The following KIF24 variants were observed in gnomAD, a reference collection of about 807,000 sequenced individuals.
KIF24 encodes kinesin-like protein KIF24.
A neutral mutation model predicts 118.9 loss-of-function variants in KIF24; 81 were observed. That is an observed-to-expected ratio of 0.68 (90% CI 0.57 to 0.82). KIF24 has a LOEUF of 0.82. Among genes scored for constraint, KIF24 ranks in the 40% least tolerant of loss-of-function variants. KIF24 has a pLI of 0.00. For missense variants in KIF24, 1,560 were observed against 1,661.6 expected, an observed-to-expected ratio of 0.94 and a Z score of 1.06; for synonymous variants, 599 against 610.0, an observed-to-expected ratio of 0.98 and a Z score of 0.27.
chr9:34,296,515 C>T (rs1357907725), intron 4 of KIF24, among the ~76,000 whole-genome samples: 2 of 147,044 alleles, frequency 1.4e-5, no homozygotes, highest in Admixed American at 6.9e-5. Flanking sequence ...CCAGCCTGGG[C>T]GACAGAGCAA....
At chr9:34,324,327 G>T (rs372170763) in intron 1 of KIF24, among the ~76,000 whole-genome samples, 1 of 152,092 alleles carries the variant, frequency 6.6e-6, no homozygotes, top group African/African-American at 2.4e-5. Context: ...TCTTTGGAAG[G>T]GGGGTGAAAA....
chr9:34,281,148 C>A (rs576594095), intron 6 of KIF24, among the ~76,000 whole-genome samples: 25 of 152,150 alleles, frequency 1.6e-4, no homozygotes, highest in Non-Finnish European at 2.9e-4. Context: ...GCCTCAGCCT[C>A]CCAAGTAGCT....
intron 6 of KIF24, among the ~76,000 whole-genome samples, chr9:34,275,642 C>T (rs984881103): frequency 2.6e-5 from 4 of 151,980 alleles, no homozygotes; most frequent in Non-Finnish European, 4.4e-5. Flanking sequence ...AGATCGAGAC[C>T]GTCCTGGCTA....
At chr9:34,333,610 G>A (rs1381592248), upstream of KIF24, among the ~76,000 whole-genome samples, 1 of 116,858 alleles carries the variant, frequency 8.6e-6, no homozygotes, top group African/African-American at 3.3e-5. Context: ...TCATACCATT[G>A]CCCTCCAGTC....
intron 1 of KIF24, among the ~76,000 whole-genome samples, chr9:34,311,757 T>TATATACAC (rs1563961633): frequency 2.0e-5 from 3 of 146,586 alleles, no homozygotes; most frequent in Admixed American, 2.0e-4. Context: ...CGTATATATG[T>TATATACAC]GTATATATAC....
chr9:34,285,109 C>G (rs187981504), intron 6 of KIF24, among the ~76,000 whole-genome samples: 44 of 152,084 alleles, frequency 2.9e-4, no homozygotes, highest in African/African-American at 9.9e-4. Flanking sequence ...GTTAGAGGGG[C>G]CTTTACTATC....
chr9:34,254,368 C>A lies in KIF24; in HGVS notation c.*12G>T. ...CTGCAGGGCCCCCACCATCTCGGCA[C>A]AGGGTCTGGCTCTAAGACGGCACTG... On this transcript the variant is annotated 3_prime_UTR_variant, in exon 13 of 13. Coordinates refer to ENST00000402558, the MANE Select transcript of KIF24 (RefSeq NM_194313.4). 1 of 1,607,974 alleles carries A rather than the reference C, an allele frequency of 6.2e-7. No individual in the cohort carries two copies. Among genetic ancestry groups the A allele is most frequent in the South Asian group, 1.1e-5 (1 of 90,540 alleles).
intron 3 of KIF24, among the ~76,000 whole-genome samples, chr9:34,297,871 T>C (rs1249817355): frequency 1.3e-5 from 2 of 152,052 alleles, no homozygotes; most frequent in African/African-American, 4.8e-5. Flanking sequence ...TGGTAGCACA[T>C]ACATTGCAGT....
Position 34,326,000 on chromosome 9 carries a change from A to AT in KIF24, c.-26+3105dup, listed in dbSNP as rs1837660661. Among the ~76,000 whole-genome samples, 2 of 152,204 alleles carry AT rather than the reference A, an allele frequency of 1.3e-5. 1 individual carries two copies. Among genetic ancestry groups the AT allele is most frequent in the East Asian group, 3.8e-4 (2 of 5,200 alleles). On this transcript the variant is annotated intron_variant, in intron 1 of 12. Coordinates refer to ENST00000402558, the MANE Select transcript of KIF24 (RefSeq NM_194313.4). ...AAACTTTATCCAATCTTCAAGAAAT[A>AT]TTTTTTGAGAGACTTGTATGAGATA...
chr9:34,311,591 T>C (rs1272058044), intron 1 of KIF24, among the ~76,000 whole-genome samples: 1 of 151,696 alleles, frequency 6.6e-6, no homozygotes, highest in Non-Finnish European at 1.5e-5. Context: ...TGTGGTAACA[T>C]ATAATTTGTT....
intron 2 of KIF24, among the ~76,000 whole-genome samples, chr9:34,307,159 C>T (rs1836956902): frequency 6.6e-6 from 1 of 152,106 alleles, no homozygotes; most frequent in Admixed American, 6.6e-5. Flanking sequence ...GCCTCAACCT[C>T]CAGGGTTCAA....
rs1335972858 is a variant in KIF24 at position 34,299,078 on chromosome 9, G to A, written c.814-1964C>T. ...TATATCATTCTTATGTTGGTAGCTC[G>A]TATATATAGTATATATACACACATA... On this transcript the variant is annotated intron_variant, in intron 3 of 12. Transcript: ENST00000402558. Among the ~76,000 whole-genome samples the A allele has an allele frequency of 3.3e-5, 5 of 151,616 alleles. No individual in the cohort carries two copies. In the South Asian group the frequency reaches 8.3e-4, roughly 25 times the overall value.
At chr9:34,261,633 G>A (rs1293041800) in intron 9 of KIF24, among the ~76,000 whole-genome samples, 1 of 152,102 alleles carries the variant, frequency 6.6e-6, no homozygotes, top group East Asian at 1.9e-4. Context: ...CTTCCAAATA[G>A]ATCCAATGCT....
At chr9:34,294,216 A>G (rs1460010781) in intron 4 of KIF24, among the ~76,000 whole-genome samples, 1 of 152,304 alleles carries the variant, frequency 6.6e-6, no homozygotes, top group Non-Finnish European at 1.5e-5. Flanking sequence ...GGCCTCCCAC[A>G]GTGTGAAATT....
intron 1 of KIF24, among the ~76,000 whole-genome samples, chr9:34,326,844 G>A (rs1440328215): frequency 6.6e-6 from 1 of 151,998 alleles, no homozygotes; most frequent in Non-Finnish European, 1.5e-5. Flanking sequence ...GCTATGATTC[G>A]TCTTCAAAGT....
chr9:34,264,078 G>C (rs956986140), intron 8 of KIF24, among the ~76,000 whole-genome samples: 2 of 151,988 alleles, frequency 1.3e-5, no homozygotes, highest in Non-Finnish European at 2.9e-5. Flanking sequence ...GATGAGGGAG[G>C]AGAGACCTTC....
chr9:34,311,633 T>C (rs1461281828), intron 1 of KIF24, among the ~76,000 whole-genome samples: 1 of 150,004 alleles, frequency 6.7e-6, no homozygotes, highest in African/African-American at 2.4e-5. Context: ...CATTCCATTT[T>C]ACATATGTGT....
Position 34,311,279 on chromosome 9 carries a change from G to T in KIF24, c.68C>A (p.Ala23Asp), listed in dbSNP as rs750366833. ...ELAQYYSHFT[A>D]LGLQKIDELA... The stretch of plus-strand genomic sequence containing the variant: ...TTCATCTATTTTCTGAAGGCCAAGG[G>T]CAGTGAAATGAGAATAATACTGTGC... The change falls in exon 2 of 13, where the codon GCC (alanine) becomes GAC (aspartate). Residue 23 changes from alanine (A) to aspartate (D), a missense_variant. Coordinates refer to ENST00000402558, the MANE Select transcript of KIF24 (RefSeq NM_194313.4). 1 of 1,611,040 alleles carries T rather than the reference G, an allele frequency of 6.2e-7. No individual in the cohort carries two copies. The highest frequency in any genetic ancestry group is 8.5e-7 in the Non-Finnish European group (1 of 1,177,918).
At position 34,318,955 on chromosome 9, in the gene KIF24, G is replaced by C; in HGVS notation, c.-25-7584C>G. On this transcript the variant is annotated intron_variant, in intron 1 of 12. Coordinates refer to ENST00000402558, the MANE Select transcript of KIF24 (RefSeq NM_194313.4). This position sits in a 1 kb window ranked among gnomAD's most constrained non-coding sequence, Gnocchi z 4.9. ...GGGCCGTGCAGACCACCGACGGCAA[G>C]CTGCCCAAGGTCACCAAGGACATGG... 6.8e-7 allele frequency: 1 copy of C among 1,464,096 alleles called. No individual in the cohort carries two copies. Among genetic ancestry groups the C allele is most frequent in the East Asian group, 2.3e-5 (1 of 44,126 alleles). The allele number at this position is 1,464,096 out of a possible 1,614,324, so 90.7% of individuals were successfully genotyped here.
Sources: gnomAD v4.1 joint callset for allele counts (sites outside exome capture counted in the v4.1 genomes callset) on GRCh38, gnomAD v4.1.1 for gene constraint, Gnocchi (gnomAD v3.1) non-coding constraint, MANE v1.5 for transcripts, NCBI Gene and HGNC (gene_info 2026-07-23, HGNC 2026-07-21) for gene names.